Variants in KAT5 observed in about 807,000 individuals in gnomAD.
KAT5 encodes lysine acetyltransferase 5.
In KAT5, 31 loss-of-function variants were observed where a neutral mutation model predicts 68.1. The observed-to-expected ratio is 0.46, with a 90% CI of 0.34 to 0.61. KAT5 has a LOEUF of 0.61. KAT5 is among the 20% of genes least tolerant of loss of function. KAT5 has a pLI of 0.01. For synonymous variants in KAT5, 365 were observed against 292.6 expected (o/e 1.25, Z -2.52); for missense variants, 451 against 725.5 (o/e 0.62, Z 4.35).
At chr11:65,712,131 G>T, upstream of KAT5, 2 of 814,814 alleles carry the variant, frequency 2.5e-6, no homozygotes, top group Non-Finnish European at 3.6e-6. Context: ...GGGCAGTCTT[G>T]CCCCTCGCAG....
Position 65,713,805 on chromosome 11 carries a change from A to T in KAT5, c.647A>T (p.Gln216Leu). 1.2e-6 allele frequency: 2 copies of T among 1,607,338 alleles called. No individual in the cohort carries two copies. The highest frequency in any genetic ancestry group is 1.7e-6 in the Non-Finnish European group (2 of 1,176,838). Residue 216 changes from glutamine (Q) to leucine (L), a missense_variant, in exon 6 of 13, where the codon CAG (glutamine) becomes CTG (leucine). Coordinates refer to ENST00000341318, the MANE Select transcript of KAT5 (RefSeq NM_182710.3). ...GCCGCCCGTAGGGCAGTGGCAGCCC[A>T]GCCAGGACGGAAGCGAAAATCGAAT... The part of the protein sequence containing the change: ...NGAARRAVAA[Q>L]PGRKRKSNCL...
rs371147659 is a variant in KAT5, at chr11:65,713,518, T to G, written c.540+15T>G. On this transcript the variant is annotated intron_variant, in intron 4 of 12. Coordinates refer to ENST00000341318, the MANE Select transcript of KAT5 (RefSeq NM_182710.3). ...ACCGCTCAACGGTACCCTCAGCAAT[T>G]CCAGGGACCTTGCTTTCTTCTCAGG... 1 of 1,614,004 alleles carries G rather than the reference T, an allele frequency of 6.2e-7. No homozygotes were observed. Among genetic ancestry groups the G allele is most frequent in the African/African-American group, 1.3e-5 (1 of 74,918 alleles).
chr11:65,712,545 G>GCGA, intron 1 of KAT5, 100 bp downstream of exon 1: 1 of 1,410,292 alleles, frequency 7.1e-7, no homozygotes, highest in Non-Finnish European at 9.7e-7. Context: ...TTATGGGGCG[G>GCGA]GCGAGGCGCA....
intron 6 of KAT5, 108 bp from the exon 7 acceptor site, chr11:65,714,387 C>A: frequency 1.6e-6 from 2 of 1,288,682 alleles, no homozygotes; most frequent in East Asian, 2.3e-5. Context: ...GGTACCTCCC[C>A]CTTAGGGTTG....
intron 10 of KAT5, chr11:65,718,125 C>T (rs886048488): frequency 1.3e-5 from 2 of 155,944 alleles, no homozygotes; most frequent in African/African-American, 4.8e-5. Flanking sequence ...TCAGGCCACT[C>T]AAGTCTTACA....
chr11:65,712,191 GCC>G (rs1857039383), upstream of KAT5: 1 of 1,356,326 alleles, frequency 7.4e-7, no homozygotes, highest in Non-Finnish European at 9.6e-7. Flanking sequence ...GCTTCGTGAG[GCC>G]CGGGCCCACA....
rs1008375663 is a variant in KAT5, at chr11:65,714,385, C to T, written c.691-110C>T. On this transcript the variant is annotated intron_variant, in intron 6 of 12. Transcript: ENST00000341318. ...TGGAAATTGGGGATCATGGTACCTC[C>T]CCCTTAGGGTTGCTGTTAGGCTTGA... 12 of 1,230,160 alleles carry T rather than the reference C, an allele frequency of 9.8e-6. No homozygotes were observed. The African/African-American group carries it at 1.4e-4, about 14-fold the overall frequency. 76.2% of individuals were successfully genotyped at this position (1,230,160 alleles called of 1,614,324 possible). A position where few individuals can be genotyped will look rare whatever the true frequency, so the allele number is the denominator to read the frequency against.
intron 10 of KAT5, chr11:65,718,153 G>A (rs1857266674): frequency 6.3e-6 from 1 of 158,784 alleles, no homozygotes; most frequent in Admixed American, 6.0e-5. Context: ...ACACTCCCAA[G>A]GTCCCAGCTA....
At chr11:65,718,321 G>T in intron 10 of KAT5, 2 of 390,672 alleles carry the variant, frequency 5.1e-6, no homozygotes, top group South Asian at 4.6e-5. Context: ...CTGCCCATAA[G>T]CCTTCACTGG....
At chr11:65,716,539 A>G in intron 8 of KAT5, 128 bp from the exon 9 acceptor site, 6 of 879,872 alleles carry the variant, frequency 6.8e-6, no homozygotes, top group Non-Finnish European at 1.1e-5. Context: ...AGGCCCAGCC[A>G]GGGAAGAACA....
rs745975054 is a variant in KAT5, at chr11:65,713,106, CTT to C, written c.384+49_384+50del. On this transcript the variant is annotated intron_variant, in intron 3 of 12. Coordinates refer to ENST00000341318, the MANE Select transcript of KAT5 (RefSeq NM_182710.3). ...CTTTTCTCTCCTGCCTCCTATTTCT[CTT>C]GTCTGTTGGCATTAGGAGCTCCTGG... 1.2e-4 allele frequency: 196 copies of C among 1,608,598 alleles called. 1 individual carries two copies. In the Admixed American group the frequency reaches 2.6e-3, roughly 21 times the overall value.
upstream of KAT5, chr11:65,712,167 C>G (rs952813232): frequency 3.4e-6 from 4 of 1,190,362 alleles, no homozygotes; most frequent in African/African-American, 6.5e-5. Flanking sequence ...TCTCAAAGGT[C>G]CCCCTCTACA....
chr11:65,719,223 G>C lies in KAT5; in HGVS notation c.*42G>C. Reference sequence around the variant, plus strand: ...GCAGTGCCAAGACGGCAGCAGGACTGGGGCTGATAGCCCACCCCGCCCCCA... The same window carrying C: ...GCAGTGCCAAGACGGCAGCAGGACTCGGGCTGATAGCCCACCCCGCCCCCA... On this transcript the variant is annotated 3_prime_UTR_variant, in exon 13 of 13. Coordinates refer to ENST00000341318, the MANE Select transcript of KAT5 (RefSeq NM_182710.3). 6.2e-7 allele frequency: 1 copy of C among 1,603,852 alleles called. No individual in the cohort carries two copies. The highest frequency in any genetic ancestry group is 8.5e-7 in the Non-Finnish European group (1 of 1,175,474).
Position 65,714,693 on chromosome 11 carries a change from G to A in KAT5, c.889G>A (p.Glu297Lys). The change falls in exon 7 of 13, where the codon GAG (glutamate) becomes AAG (lysine). Residue 297 changes from glutamate (E) to lysine (K), a missense_variant. Around this residue, in one of 4 missense-constraint regions of KAT5, gnomAD observed 210 missense variants for 423.7 expected, o/e 0.50. Coordinates refer to ENST00000341318, the MANE Select transcript of KAT5 (RefSeq NM_182710.3). ...CACATTGCCTGTCCTCTACCTGTGC[G>A]AGTTCTGCCTCAAGTACGGCCGTAG... The part of the protein sequence containing the change: ...LTTLPVLYLC[E>K]FCLKYGRSLK... 1.2e-6 allele frequency: 2 copies of A among 1,614,232 alleles called. No individual in the cohort carries two copies. The highest frequency in any genetic ancestry group is 1.7e-6 in the Non-Finnish European group (2 of 1,180,050).
At position 65,714,586 on chromosome 11, in the gene KAT5, G is replaced by A; in HGVS notation, c.782G>A (p.Arg261Gln). ...SDRSHDDIVTRMKNIECIELG... is the reference protein window; with the variant it reads ...SDRSHDDIVTQMKNIECIELG... ...CGAAGCCACGACGACATCGTCACCCGGATGAAGAACATTGAGTGCATTGAG... is the reference window on the plus strand; with the variant it reads ...CGAAGCCACGACGACATCGTCACCCAGATGAAGAACATTGAGTGCATTGAG... Residue 261 changes from arginine (R) to glutamine (Q), a missense_variant, in exon 7 of 13, where the codon CGG becomes CAG. Transcript: ENST00000341318. 6.2e-7 allele frequency: 1 copy of A among 1,614,168 alleles called. No homozygotes were observed. Among genetic ancestry groups the A allele is most frequent in the Non-Finnish European group, 8.5e-7 (1 of 1,180,038 alleles).
chr11:65,716,750 C>T lies in KAT5; in HGVS notation c.1113C>T (p.Phe371=), dbSNP rs761060559. ...TLYYDTDPFL[F]YVMTEYDCKG... Reference sequence around the variant, plus strand: ...ACTATGACACAGACCCTTTCCTCTTCTACGTCATGACAGAGTATGACTGTA... The same window carrying T: ...ACTATGACACAGACCCTTTCCTCTTTTACGTCATGACAGAGTATGACTGTA... Residue 371 remains phenylalanine (F), a synonymous_variant, in exon 9 of 13, where the codon TTC becomes TTT. Transcript: ENST00000341318. The T allele has an allele frequency of 1.2e-6, 2 of 1,614,056 alleles. No homozygotes were observed. The highest frequency in any genetic ancestry group is 1.7e-6 in the Non-Finnish European group (2 of 1,179,886).
At chr11:65,714,159 C>T (rs1309656186) in intron 6 of KAT5, 10 of 503,078 alleles carry the variant, frequency 2.0e-5, no homozygotes, top group South Asian at 4.5e-5. Context: ...ATTAGCCAGG[C>T]GTGGTGGCGG....
rs1177721689 is a variant in KAT5 at position 65,715,902 on chromosome 11, G to C, written c.1030-765G>C. 5 of 152,140 alleles carry C rather than the reference G, an allele frequency of 3.3e-5. No individual in the cohort carries two copies. The East Asian group carries it at 9.7e-4, about 29-fold the overall frequency. 9.4% of individuals were successfully genotyped at this position (152,140 alleles called of 1,614,324 possible). A position where few individuals can be genotyped will look rare whatever the true frequency, so the allele number is the denominator to read the frequency against. Reference sequence around the variant, plus strand: ...CCTGGGCAACATGGAGAAACCCCCAGGTACTCGGGAGGCTGAGTTGGGAGA... The same window carrying C: ...CCTGGGCAACATGGAGAAACCCCCACGTACTCGGGAGGCTGAGTTGGGAGA... On this transcript the variant is annotated intron_variant, in intron 8 of 12. Coordinates refer to ENST00000341318, the MANE Select transcript of KAT5 (RefSeq NM_182710.3).
Position 65,718,583 on chromosome 11 carries a change from G to T in KAT5, c.1265-7G>T. On this transcript the variant is annotated splice_polypyrimidine_tract_variant and splice_region_variant and intron_variant, in intron 10 of 12. Transcript: ENST00000341318. ...CTTACTCACCCTCTCCTGCTCCATTGCTTTAGGCTATGAACTCTCCAAAGT... is the reference window on the plus strand; with the variant it reads ...CTTACTCACCCTCTCCTGCTCCATTTCTTTAGGCTATGAACTCTCCAAAGT... 6.2e-7 allele frequency: 1 copy of T among 1,613,446 alleles called. No individual in the cohort carries two copies.
Sources: allele counts gnomAD v4.1 joint callset, GRCh38; gene constraint gnomAD v4.1.1; regional missense constraint gnomAD v4.1.1; transcripts MANE v1.5; gene names NCBI Gene and HGNC (gene_info 2026-07-23, HGNC 2026-07-21).